RNF25: variants seen among roughly 807,000 people sequenced by gnomAD.
RNF25 encodes E3 ubiquitin-protein ligase RNF25.
RNF25 carries 32 observed loss-of-function variants against 65.0 expected under a neutral mutation model. The observed-to-expected ratio is 0.49, with a 90% confidence interval of 0.37 to 0.66. The LOEUF (loss-of-function observed/expected upper bound fraction) is 0.66, where lower values mean the gene tolerates loss of function less well. Among genes scored for constraint, RNF25 ranks in the 30% least tolerant of loss-of-function variants. The probability of loss-of-function intolerance (pLI) is 0.00; values close to 1 mark genes in which losing one functional copy is unlikely to be tolerated. For missense variants in RNF25, 493 were observed against 584.8 expected (o/e 0.84, Z 1.62); for synonymous variants, 207 against 221.2 (o/e 0.94, Z 0.57).
In RNF25 at chr2:218,663,952, T is replaced by G. The variant is rs756849628; in HGVS notation, c.*5A>C. ...CCAATTCCCTGTTCCCCCCACCAAGTCCTGCTAGGAACCATCCTTAGATTC... is the reference window on the plus strand; with the variant it reads ...CCAATTCCCTGTTCCCCCCACCAAGGCCTGCTAGGAACCATCCTTAGATTC... On this transcript the variant is annotated 3_prime_UTR_variant, in exon 10 of 10. Transcript: ENST00000295704. The G allele has an allele frequency of 1.4e-6, 2 of 1,435,596 alleles. No individual in the cohort carries two copies. Among genetic ancestry groups the G allele is most frequent in the African/African-American group, 2.8e-5 (2 of 70,224 alleles). 88.9% of individuals were successfully genotyped at this position (1,435,596 alleles called of 1,614,324 possible).
chr2:218,667,964 C>A lies in RNF25; in HGVS notation c.305G>T (p.Gly102Val), dbSNP rs950876767. 8.7e-6 allele frequency: 14 copies of A among 1,614,066 alleles called. No homozygotes were observed. The highest frequency in any genetic ancestry group is 1.3e-5 in the African/African-American group (1 of 74,920). Residue 102 changes from glycine (G) to valine (V), a missense_variant, in exon 5 of 10, where the codon GGC (glycine) becomes GTC (valine). Physicochemically the swap from Gly to Val is moderately radical, Grantham distance 109. Coordinates refer to ENST00000295704, the MANE Select transcript of RNF25 (RefSeq NM_022453.3). ...EQIHTILQVL[G>V]HVAKAGLGTA... is the part of the protein sequence containing the mutation. The stretch of plus-strand genomic sequence containing the variant: ...GCCCAGCCCAGCCTTGGCCACGTGG[C>A]CCAGCACCTGTAAGATCCTGGAGGA...
chr2:218,671,548 G>T (rs980807190), intron 1 of RNF25, among the ~76,000 whole-genome samples: 5 of 152,194 alleles, frequency 3.3e-5, no homozygotes, highest in African/African-American at 1.2e-4. Context: ...AGGGGAAAGG[G>T]GGCCGGAACT....
chr2:218,671,838 C>T (rs2106339300), intron 1 of RNF25, 92 bp downstream of exon 1: 1 of 1,432,162 alleles, frequency 7.0e-7, no homozygotes, highest in Non-Finnish European at 9.7e-7. Context: ...TCGCTCCACC[C>T]CACACGCCCG....
chr2:218,664,964 C>T lies in RNF25; in HGVS notation c.667-91G>A. The T allele has an allele frequency of 6.4e-7, 1 of 1,554,462 alleles. No homozygotes were observed. The highest frequency in any genetic ancestry group is 8.7e-7 in the Non-Finnish European group (1 of 1,145,260). ...CCCAGGCTGCCTCAGGAGATCTGCA[C>T]TGGTTTTGCCCCTCAGGTCTGGGCT... On this transcript the variant is annotated intron_variant, in intron 8 of 9. Coordinates refer to ENST00000295704, the MANE Select transcript of RNF25 (RefSeq NM_022453.3). The surrounding 1 kb of genome is among the most constrained non-coding windows in gnomAD (Gnocchi z 5.1).
intron 5 of RNF25, 114 bp from the exon 6 acceptor site, chr2:218,666,344 T>C (rs972881247): frequency 3.8e-6 from 3 of 787,364 alleles, no homozygotes; most frequent in South Asian, 1.6e-5. Flanking sequence ...GCCAGTTTGT[T>C]ACCTTGTGTT....
At position 218,663,960 on chromosome 2, in the gene RNF25, G is replaced by A. The variant is rs1939752721; in HGVS notation, c.1377C>T (p.Ser459=). ...ESLGLESKDG[S] is the part of the protein sequence containing the mutation. ...CTGTTCCCCCCACCAAGTCCTGCTA[G>A]GAACCATCCTTAGATTCCAGGCCCA... is the stretch of plus-strand genomic sequence containing the variant. Residue 459 remains serine, a synonymous_variant, in exon 10 of 10, where the codon TCC becomes TCT. Transcript: ENST00000295704. The A allele has an allele frequency of 2.8e-6, 4 of 1,445,780 alleles. No individual in the cohort carries two copies. Among genetic ancestry groups the A allele is most frequent in the Non-Finnish European group, 2.7e-6 (3 of 1,097,728 alleles). 89.6% of individuals were successfully genotyped at this position (1,445,780 alleles called of 1,614,324 possible).
chr2:218,664,112 G>T lies in RNF25; in HGVS notation c.1225C>A (p.Pro409Thr), dbSNP rs1396158104. Reference sequence around the variant, plus strand: ...CAGTCCCGAGTCCTGCGGGGTGGGGGCCCCTGCCAGCTGCCAGGCCCCTTC... The same window carrying T: ...CAGTCCCGAGTCCTGCGGGGTGGGGTCCCCTGCCAGCTGCCAGGCCCCTTC... ...QEKGPGSWQG[P>T]PPRRTRDCVR... Residue 409 changes from proline (P) to threonine (T), a missense_variant, in exon 10 of 10, where the codon CCC (proline) becomes ACC (threonine). Transcript: ENST00000295704. This position sits in a 1 kb window ranked among gnomAD's most constrained non-coding sequence, Gnocchi z 5.1. 1.3e-6 allele frequency: 2 copies of T among 1,522,584 alleles called. No homozygotes were observed. The allele number at this position is 1,522,584 out of a possible 1,614,324, so 94.3% of individuals were successfully genotyped here. A position where few individuals can be genotyped will look rare whatever the true frequency, so the allele number is the denominator to read the frequency against.
chr2:218,665,848 G>C, intron 7 of RNF25, 68 bp downstream of exon 7: 3 of 1,554,384 alleles, frequency 1.9e-6, no homozygotes, highest in Non-Finnish European at 2.6e-6. Context: ...GGAGTGGAGA[G>C]ATGGAAAAGT....
chr2:218,667,851 A>T, intron 5 of RNF25, 61 bp downstream of exon 5: 1 of 1,479,012 alleles, frequency 6.8e-7, no homozygotes, highest in Non-Finnish European at 9.3e-7. Context: ...TTTCCCTTTT[A>T]CAGCTAGAAA....
intron 1 of RNF25, 99 bp from the exon 2 acceptor site, chr2:218,668,778 C>G: frequency 1.2e-6 from 1 of 820,050 alleles, no homozygotes; most frequent in Non-Finnish European, 2.1e-6. Context: ...TGGCAATCTA[C>G]CAGAATGCAT....
Position 218,664,327 on chromosome 2 carries a change from A to C in RNF25, c.1010T>G (p.Leu337Arg). The change falls in exon 10 of 10, where the codon CTA (leucine) becomes CGA (arginine). Residue 337 changes from leucine to arginine, a missense_variant. Physicochemically the swap from Leu to Arg is moderately radical, Grantham distance 102 (BLOSUM62 -2). Coordinates refer to ENST00000295704, the MANE Select transcript of RNF25 (RefSeq NM_022453.3). This position sits in a 1 kb window ranked among gnomAD's most constrained non-coding sequence, Gnocchi z 5.1. ...ACCTCGACTGGGCTTGGGGGGATCT[A>C]GCATAGCTTTCTGGGTTTCGCCCAA... Reference protein sequence around the residue: ...QRLGETQKAMLDPPKPSRGPW... With the variant: ...QRLGETQKAMRDPPKPSRGPW... 2 of 1,614,044 alleles carry C rather than the reference A, an allele frequency of 1.2e-6. No homozygotes were observed. Among genetic ancestry groups the C allele is most frequent in the South Asian group, 2.2e-5 (2 of 91,076 alleles).
At chr2:218,665,860 T>C (rs1939810937) in intron 7 of RNF25, 56 bp downstream of exon 7, 11 of 1,560,230 alleles carry the variant, frequency 7.1e-6, no homozygotes, top group African/African-American at 5.4e-5. Flanking sequence ...TGGAAAAGTT[T>C]GTGAAAGGCT....
intron 7 of RNF25, 126 bp from the exon 8 acceptor site, chr2:218,665,373 G>T: frequency 1.3e-6 from 1 of 757,472 alleles, no homozygotes; most frequent in Non-Finnish European, 2.2e-6. Flanking sequence ...TCAGCAGTGA[G>T]TTGGGACAGA....
In RNF25 at chr2:218,664,609, C is replaced by T. The variant is rs897093697; in HGVS notation, c.802-74G>A. ...TGGGGAACTACAGGCCCCTCTCCTA[C>T]TATCTGGGCTGACCACGATCAGCCT... is the stretch of plus-strand genomic sequence containing the variant. On this transcript the variant is annotated intron_variant, in intron 9 of 9. Coordinates refer to ENST00000295704, the MANE Select transcript of RNF25 (RefSeq NM_022453.3). The surrounding 1 kb of genome is among the most constrained non-coding windows in gnomAD (Gnocchi z 5.1). The T allele has an allele frequency of 3.2e-6, 5 of 1,573,514 alleles. No individual in the cohort carries two copies. In the African/African-American group the frequency reaches 5.4e-5, roughly 17 times the overall value.
Position 218,664,220 on chromosome 2 carries a change from G to A in RNF25, c.1117C>T (p.Pro373Ser). 1.3e-6 allele frequency: 2 copies of A among 1,598,212 alleles called. No homozygotes were observed. Among genetic ancestry groups the A allele is most frequent in the South Asian group, 1.1e-5 (1 of 89,030 alleles). ...PKGTRDTQEL[P>S]PPEGPLKEPM... ...TCCTTGAGGGGCCCCTCAGGAGGTG[G>A]CAGTTCCTGGGTGTCACGGGTACCT... The change falls in exon 10 of 10, where the codon CCA becomes TCA. Residue 373 changes from proline (P) to serine (S), a missense_variant. Transcript: ENST00000295704. The surrounding 1 kb of genome is among the most constrained non-coding windows in gnomAD (Gnocchi z 5.1).
At position 218,664,934 on chromosome 2, in the gene RNF25, C is replaced by T. The variant is rs1939788631; in HGVS notation, c.667-61G>A. Reference sequence around the variant, plus strand: ...AGCAGAAGGCTGACTCAAACCTCTACTCCTCCCAGGCTGCCTCAGGAGATC... The same window carrying T: ...AGCAGAAGGCTGACTCAAACCTCTATTCCTCCCAGGCTGCCTCAGGAGATC... On this transcript the variant is annotated intron_variant, in intron 8 of 9. Transcript: ENST00000295704. This position sits in a 1 kb window ranked among gnomAD's most constrained non-coding sequence, Gnocchi z 5.1. 3 of 1,602,046 alleles carry T rather than the reference C, an allele frequency of 1.9e-6. No homozygotes were observed. The highest frequency in any genetic ancestry group is 2.2e-5 in the East Asian group (1 of 44,598).
rs564996168 is a variant in RNF25, at chr2:218,669,636, C to A, written c.42-957G>T. 6.6e-5 allele frequency among the ~76,000 whole-genome samples: 10 copies of A among 152,308 alleles called. No homozygotes were observed. In the East Asian group the frequency reaches 1.5e-3, roughly 23 times the overall value. ...AACAGCAGTTGTAATGAAATTGAAG[C>A]TGAGTGATCAGTTTGTGTCTACAGC... On this transcript the variant is annotated intron_variant, in intron 1 of 9. Coordinates refer to ENST00000295704, the MANE Select transcript of RNF25 (RefSeq NM_022453.3).
In RNF25 at chr2:218,664,028, G is replaced by A. The variant is rs559475750; in HGVS notation, c.1309C>T (p.Arg437Trp). ...TPGSSYPRLP[R>W]GQGAYRPGTR... The stretch of plus-strand genomic sequence containing the variant: ...CCAGGCCGGTATGCTCCCTGGCCCC[G>A]AGGCAGGCGAGGGTAGGAAGAACCG... The change falls in exon 10 of 10, where the codon CGG becomes TGG. Residue 437 changes from arginine (R) to tryptophan (W), a missense_variant. Physicochemically the swap from Arg to Trp is moderately radical, Grantham distance 101. This residue lies in a region of RNF25 where 351 missense variants were observed against 400.2 expected (regional missense o/e 0.88). Coordinates refer to ENST00000295704, the MANE Select transcript of RNF25 (RefSeq NM_022453.3). This position sits in a 1 kb window ranked among gnomAD's most constrained non-coding sequence, Gnocchi z 5.1. The A allele has an allele frequency of 1.7e-5, 26 of 1,491,474 alleles. No homozygotes were observed. The highest frequency in any genetic ancestry group is 4.6e-5 in the East Asian group (2 of 43,418). The allele number at this position is 1,491,474 out of a possible 1,614,324, so 92.4% of individuals were successfully genotyped here.
chr2:218,665,977 T>C lies in RNF25; in HGVS notation c.512A>G (p.Gln171Arg). The change falls in exon 7 of 10, where the codon CAA becomes CGA. Residue 171 changes from glutamine to arginine, a missense_variant. Transcript: ENST00000295704. ...CTCCTGTCCTTGTGCCTTCAGCTCT[T>C]GCTCCATGTGCTGGATGTACCGAGC... ...CLARYIQHME[Q>R]ELKAQGQEQE... The C allele has an allele frequency of 6.2e-7, 1 of 1,614,172 alleles. No individual in the cohort carries two copies. Among genetic ancestry groups the C allele is most frequent in the Non-Finnish European group, 8.5e-7 (1 of 1,180,016 alleles).
Sources: allele counts gnomAD v4.1 joint callset (sites outside exome capture counted in the v4.1 genomes callset), GRCh38; gene constraint gnomAD v4.1.1; regional missense constraint gnomAD v4.1.1; non-coding constraint Gnocchi (gnomAD v3.1); transcripts MANE v1.5; gene names NCBI Gene and HGNC (gene_info 2026-07-23, HGNC 2026-07-21).